PDE10A: variants seen among roughly 807,000 people sequenced by gnomAD.
The protein encoded by PDE10A is cAMP and cAMP-inhibited cGMP 3',5'-cyclic phosphodiesterase 10A.
Under a neutral mutation model 97.7 loss-of-function variants are expected in PDE10A, and 39 were observed. That is an observed-to-expected ratio of 0.40 (90% CI 0.31 to 0.52). The LOEUF (loss-of-function observed/expected upper bound fraction) is 0.52. Ranked by LOEUF, PDE10A falls within the 20% of genes least tolerant of loss-of-function variation. PDE10A has a pLI of 0.56. For missense variants in PDE10A, 731 were observed against 1,047.8 expected, an observed-to-expected ratio of 0.70 and a Z score of 4.17; for synonymous variants, 371 against 376.8, an observed-to-expected ratio of 0.98 and a Z score of 0.18.
At chr6:165,626,048 A>T (rs1390574159) in intron 1 of PDE10A, among the ~76,000 whole-genome samples, 1 of 152,152 alleles carries the variant, frequency 6.6e-6, no homozygotes, top group Admixed American at 6.5e-5. Flanking sequence ...ACATTTAGAG[A>T]TTGAGAGGAT....
At chr6:165,807,744 G>T (rs116956616) in intron 1 of PDE10A, among the ~76,000 whole-genome samples, 4,492 of 152,170 alleles carry the variant, frequency 0.03, 95 homozygotes, top group Middle Eastern at 0.092. Context: ...CTTGCCGGCG[G>T]CAGTGGTTCA....
At chr6:165,783,948 G>C (rs139444482) in intron 1 of PDE10A, among the ~76,000 whole-genome samples, 1 of 152,112 alleles carries the variant, frequency 6.6e-6, no homozygotes, top group Non-Finnish European at 1.5e-5. Flanking sequence ...GGCCGGGCGC[G>C]GTGGCTCACG....
At chr6:165,888,336 A>G (rs1781686695) in intron 1 of PDE10A, among the ~76,000 whole-genome samples, 1 of 151,230 alleles carries the variant, frequency 6.6e-6, no homozygotes, top group South Asian at 2.1e-4. Context: ...GCCAGCCTGG[A>G]GTGCAGTGGT....
At chr6:165,440,912 C>T (rs1331578455) in intron 5 of PDE10A, among the ~76,000 whole-genome samples, 1 of 151,932 alleles carries the variant, frequency 6.6e-6, no homozygotes, top group Non-Finnish European at 1.5e-5. Flanking sequence ...AGTGGAAAAA[C>T]TATAAAGATA....
intron 1 of PDE10A, among the ~76,000 whole-genome samples, chr6:165,637,651 C>T (rs972077719): frequency 3.3e-5 from 5 of 152,160 alleles, no homozygotes; most frequent in African/African-American, 9.7e-5. Flanking sequence ...GCAAAAGGTT[C>T]TGCGTCAATA....
At chr6:165,471,194 T>C (rs1778980024) in intron 3 of PDE10A, among the ~76,000 whole-genome samples, 1 of 152,136 alleles carries the variant, frequency 6.6e-6, no homozygotes, top group South Asian at 2.1e-4. Context: ...TTATTTTAAA[T>C]AATTTTTTAT....
intron 1 of PDE10A, among the ~76,000 whole-genome samples, chr6:165,695,260 A>G (rs1295233500): frequency 1.3e-5 from 2 of 152,186 alleles, no homozygotes; most frequent in East Asian, 3.8e-4. Flanking sequence ...AAAAACATAT[A>G]GCCTCTGGAA....
At chr6:165,865,044 A>G (rs1461407319) in intron 1 of PDE10A, among the ~76,000 whole-genome samples, 1 of 152,208 alleles carries the variant, frequency 6.6e-6, no homozygotes, top group Non-Finnish European at 1.5e-5. Flanking sequence ...TGGAAGCTCA[A>G]GAACCAGACT....
At chr6:165,739,870 C>T (rs142078288) in intron 1 of PDE10A, among the ~76,000 whole-genome samples, 3 of 152,254 alleles carry the variant, frequency 2.0e-5, no homozygotes, top group Admixed American at 6.5e-5. Context: ...TAATGCTCAA[C>T]GTCTCTAATC....
At chr6:165,885,098 G>A (rs1288043420) in intron 1 of PDE10A, among the ~76,000 whole-genome samples, 1 of 152,150 alleles carries the variant, frequency 6.6e-6, no homozygotes, top group Non-Finnish European at 1.5e-5. Flanking sequence ...GGGAACTACA[G>A]GGGTGTGCTT....
chr6:165,417,152 AG>A (rs1788374763), intron 11 of PDE10A, among the ~76,000 whole-genome samples: 1 of 152,250 alleles, frequency 6.6e-6, no homozygotes, highest in Non-Finnish European at 1.5e-5. Flanking sequence ...AAAACTCAAA[AG>A]ATAGTTCACA....
intron 9 of PDE10A, among the ~76,000 whole-genome samples, chr6:165,429,061 G>A (rs925471378): frequency 3.9e-5 from 6 of 151,990 alleles, no homozygotes; most frequent in African/African-American, 1.4e-4. Flanking sequence ...TAATAACTCT[G>A]ATCTAAAATA....
intron 5 of PDE10A, among the ~76,000 whole-genome samples, chr6:165,438,517 G>A (rs527704248): frequency 2.0e-5 from 3 of 152,260 alleles, no homozygotes; most frequent in South Asian, 2.1e-4. Flanking sequence ...GTCTGTTTCC[G>A]AATTCCCAAT....
At chr6:165,346,227 C>T (rs910051734) in intron 18 of PDE10A, among the ~76,000 whole-genome samples, 1 of 152,000 alleles carries the variant, frequency 6.6e-6, no homozygotes, top group South Asian at 2.1e-4. Context: ...AGGGCAGGTT[C>T]GGAGTGATCA....
At chr6:165,705,850 C>G (rs1327315638) in intron 1 of PDE10A, among the ~76,000 whole-genome samples, 1 of 152,146 alleles carries the variant, frequency 6.6e-6, no homozygotes, top group Non-Finnish European at 1.5e-5. Flanking sequence ...AACTTTCTCT[C>G]CTCCAAAAAG....
At chr6:165,586,113 C>A (rs1465317457) in intron 1 of PDE10A, among the ~76,000 whole-genome samples, 2 of 152,150 alleles carry the variant, frequency 1.3e-5, no homozygotes, top group African/African-American at 4.8e-5. Flanking sequence ...CCACTCCCTG[C>A]CCCCCTTTTG....
intron 1 of PDE10A, among the ~76,000 whole-genome samples, chr6:165,768,361 G>A (rs773193923): frequency 4.6e-5 from 7 of 152,026 alleles, no homozygotes; most frequent in Non-Finnish European, 7.4e-5. Context: ...GCAATCTGAG[G>A]TCCTGAAGAT....
chr6:165,646,275 T>C (rs1789394177), intron 1 of PDE10A, among the ~76,000 whole-genome samples: 1 of 152,218 alleles, frequency 6.6e-6, no homozygotes, highest in South Asian at 2.1e-4. Context: ...CTTGTCTCTT[T>C]TTATGTTGAA....
At chr6:165,876,168 C>T (rs1781340356) in intron 1 of PDE10A, among the ~76,000 whole-genome samples, 1 of 152,180 alleles carries the variant, frequency 6.6e-6, no homozygotes, top group East Asian at 1.9e-4. Context: ...GGACTGTTAA[C>T]AACAGCCTGG....
Sources: allele counts gnomAD v4.1 joint callset (sites outside exome capture counted in the v4.1 genomes callset), GRCh38; gene constraint gnomAD v4.1.1; transcripts MANE v1.5; gene names NCBI Gene and HGNC (gene_info 2026-07-23, HGNC 2026-07-21).